TBC1D31: variants seen among roughly 807,000 people sequenced by gnomAD.
TBC1D31 encodes WD repeat domain 67.
A neutral mutation model predicts 132.9 loss-of-function variants in TBC1D31; 99 were observed. That is an observed-to-expected ratio of 0.74 (90% confidence interval 0.63 to 0.88). The LOEUF (loss-of-function observed/expected upper bound fraction) is 0.88. Among genes scored for constraint, TBC1D31 ranks in the 40% least tolerant of loss-of-function variants. The pLI is 0.00. For missense variants in TBC1D31, 1,134 were observed against 1,256.6 expected (o/e 0.90, Z 1.48); for synonymous variants, 385 against 419.4 (o/e 0.92, Z 1.00).
chr8:123,094,728 C>T (rs536523724), intron 5 of TBC1D31, among the ~76,000 whole-genome samples: 204 of 150,118 alleles, frequency 1.4e-3, no homozygotes, highest in African/African-American at 4.1e-3. Context: ...TTAGTAGAGA[C>T]GGGGGTTTCA....
chr8:123,128,073 G>T, intron 13 of TBC1D31: 2 of 363,348 alleles, frequency 5.5e-6, no homozygotes, highest in Non-Finnish European at 4.8e-6. Flanking sequence ...TTAATTTTAT[G>T]TCAGAATTTC....
Position 123,128,493 on chromosome 8 carries a change from A to G in TBC1D31, c.2097A>G (p.Glu699=), listed in dbSNP as rs16898020. 2,363 of 1,606,290 alleles carry G rather than the reference A, an allele frequency of 1.5e-3. 30 individuals carry two copies. The African/African-American group carries it at 0.029, about 20-fold the overall frequency. The change falls in exon 14 of 22, where the codon GAA becomes GAG. Residue 699 remains glutamate, a synonymous_variant. Coordinates refer to ENST00000287380, the MANE Select transcript of TBC1D31 (RefSeq NM_145647.4). ...TQERERIRND[E]LDYLRERQTV... ...AACGAGAAAGAATAAGGAATGATGA[A>G]TTGGATTACTTAAGAGAGAGGTAAT...
At chr8:123,134,712 G>C (rs528207445) in intron 17 of TBC1D31, among the ~76,000 whole-genome samples, 2 of 152,204 alleles carry the variant, frequency 1.3e-5, no homozygotes, top group Non-Finnish European at 2.9e-5. Flanking sequence ...TCATGTTTCT[G>C]TTAGCAGCTT....
At chr8:123,102,347 G>T in intron 7 of TBC1D31, 1 of 404,150 alleles carries the variant, frequency 2.5e-6, no homozygotes, top group South Asian at 1.7e-5. Flanking sequence ...ATTTGGAGTG[G>T]CGTTTGCCAC....
chr8:123,122,734 G>A (rs1819617125), intron 11 of TBC1D31, among the ~76,000 whole-genome samples: 1 of 152,194 alleles, frequency 6.6e-6, no homozygotes, highest in Non-Finnish European at 1.5e-5. Flanking sequence ...GAAATGGATT[G>A]TAGTTAATTT....
chr8:123,074,108 T>G (rs1226117914), intron 1 of TBC1D31, among the ~76,000 whole-genome samples: 4 of 151,776 alleles, frequency 2.6e-5, no homozygotes, highest in Non-Finnish European at 2.9e-5. Context: ...CTCGGCTCAC[T>G]GCAACCTCCG....
intron 10 of TBC1D31, among the ~76,000 whole-genome samples, chr8:123,110,611 A>G (rs576573700): frequency 2.0e-5 from 3 of 152,208 alleles, no homozygotes; most frequent in East Asian, 1.9e-4. Context: ...CTCATAGCCA[A>G]TCACGTTGGG....
chr8:123,083,863 A>C (rs1374412378), intron 3 of TBC1D31: 1 of 271,412 alleles, frequency 3.7e-6, no homozygotes, highest in Non-Finnish European at 6.9e-6. Context: ...TAGATATGGT[A>C]CTCTTTTACA....
intron 20 of TBC1D31, among the ~76,000 whole-genome samples, chr8:123,148,471 G>A (rs1167668380): frequency 2.0e-5 from 3 of 152,062 alleles, no homozygotes; most frequent in African/African-American, 7.2e-5. Flanking sequence ...GCTGGGCACG[G>A]TGGCGCCTGT....
chr8:123,093,759 G>A lies in TBC1D31; in HGVS notation c.671+17G>A. On this transcript the variant is annotated intron_variant, in intron 5 of 21. Transcript: ENST00000287380. ...TGTAACCAGGTAATGTGCATTTTAAGACACTAGGAATATTTAAGAAATTTA... is the reference window on the plus strand; with the variant it reads ...TGTAACCAGGTAATGTGCATTTTAAAACACTAGGAATATTTAAGAAATTTA... The A allele has an allele frequency of 6.8e-7, 1 of 1,472,734 alleles. No individual in the cohort carries two copies. The highest frequency in any genetic ancestry group is 1.5e-5 in the South Asian group (1 of 66,710). The allele number at this position is 1,472,734 out of a possible 1,614,324, so 91.2% of individuals were successfully genotyped here. A position where few individuals can be genotyped will look rare whatever the true frequency, so the allele number is the denominator to read the frequency against.
intron 5 of TBC1D31, among the ~76,000 whole-genome samples, chr8:123,096,998 G>A (rs1816896958): frequency 6.6e-6 from 1 of 152,274 alleles, no homozygotes; most frequent in East Asian, 1.9e-4. Context: ...TTAAACAAGT[G>A]TTTGGTAAAC....
chr8:123,126,216 A>G (rs1194941774), intron 12 of TBC1D31, 27 bp downstream of exon 12: 4 of 1,589,364 alleles, frequency 2.5e-6, no homozygotes, highest in African/African-American at 1.4e-5. Flanking sequence ...TTTTAGAATA[A>G]CATGCCTTAT....
intron 10 of TBC1D31, among the ~76,000 whole-genome samples, chr8:123,116,659 G>T (rs1001310083): frequency 5.3e-5 from 8 of 152,126 alleles, no homozygotes; most frequent in Admixed American, 5.2e-4. Context: ...GCACCTACTG[G>T]TGTGGGGAAA....
At chr8:123,130,176 C>G in intron 15 of TBC1D31, 22 bp from the exon 16 acceptor site, 1 of 1,597,408 alleles carries the variant, frequency 6.3e-7, no homozygotes, top group South Asian at 1.1e-5. Flanking sequence ...ATTTGTTCCA[C>G]TTGATGTATT....
At chr8:123,124,886 G>A (rs1300975078) in intron 11 of TBC1D31, among the ~76,000 whole-genome samples, 1 of 147,378 alleles carries the variant, frequency 6.8e-6, no homozygotes, top group African/African-American at 2.5e-5. Flanking sequence ...GCAATGAGCC[G>A]AGATCGCGCC....
At chr8:123,143,936 G>GT (rs1485195213) in intron 19 of TBC1D31, among the ~76,000 whole-genome samples, 2 of 152,132 alleles carry the variant, frequency 1.3e-5, no homozygotes, top group Non-Finnish European at 2.9e-5. Flanking sequence ...ATCCTTCCTT[G>GT]TGTCTAGTGT....
intron 5 of TBC1D31, among the ~76,000 whole-genome samples, chr8:123,095,722 C>G (rs1238340207): frequency 1.3e-5 from 2 of 152,162 alleles, no homozygotes; most frequent in Non-Finnish European, 2.9e-5. Flanking sequence ...TCTGGTATGA[C>G]AAGATGTTCC....
At chr8:123,114,380 G>A (rs549324833) in intron 10 of TBC1D31, among the ~76,000 whole-genome samples, 1 of 152,270 alleles carries the variant, frequency 6.6e-6, no homozygotes, top group African/African-American at 2.4e-5. Flanking sequence ...AAGTGCAGTG[G>A]TGCCATCTTG....
intron 6 of TBC1D31, among the ~76,000 whole-genome samples, chr8:123,099,150 C>T (rs1251250120): frequency 2.0e-5 from 3 of 152,078 alleles, no homozygotes; most frequent in African/African-American, 4.8e-5. Flanking sequence ...GACGGAGTCT[C>T]GCTCTGTCAC....
Sources: gnomAD v4.1 joint callset for allele counts (sites outside exome capture counted in the v4.1 genomes callset) on GRCh38, gnomAD v4.1.1 for gene constraint, MANE v1.5 for transcripts, NCBI Gene and HGNC (gene_info 2026-07-23, HGNC 2026-07-21) for gene names.